FGF13: variants seen among roughly 807,000 people sequenced by gnomAD.
The protein encoded by FGF13 is fibroblast growth factor 13.
A neutral mutation model predicts 19.5 loss-of-function variants in FGF13; 2 were observed. The observed-to-expected ratio is 0.10, with a 90% confidence interval of 0.04 to 0.32. The LOEUF is 0.32. Among genes scored for constraint, FGF13 ranks in the 10% least tolerant of loss-of-function variants. The pLI is 1.00. For missense variants in FGF13, 113 were observed against 192.7 expected (o/e 0.59, Z 2.45); for synonymous variants, 72 against 76.9 (o/e 0.94, Z 0.33).
intron 1 of FGF13, chrX:138,739,200 C>A (rs761387941): frequency 2.5e-6 from 2 of 785,301 alleles, no homozygotes; most frequent in Non-Finnish European, 3.9e-6. Context: ...GATAAACATT[C>A]AAATCTATGT....
intron 3 of FGF13, among the ~76,000 whole-genome samples, chrX:138,810,367 G>C (rs1407724613): frequency 1.8e-5 from 2 of 111,463 alleles, no homozygotes; most frequent in Non-Finnish European, 3.8e-5. Flanking sequence ...TTAATAAATG[G>C]TGCTGGGAAA....
chrX:138,647,219 GAA>G (rs10543925), intron 3 of FGF13, among the ~76,000 whole-genome samples: 4 of 59,114 alleles, frequency 6.8e-5, no homozygotes, highest in East Asian at 6.4e-4. Context: ...CATCTCTGGG[GAA>G]AAAAAAAAAA....
At chrX:138,872,536 C>T (rs1266239863) in intron 1 of FGF13, among the ~76,000 whole-genome samples, 1 of 112,280 alleles carries the variant, frequency 8.9e-6, no homozygotes, top group Non-Finnish European at 1.9e-5. Flanking sequence ...AGCCTAAGCT[C>T]TACTCCTTAT....
At chrX:138,981,348 CACACACACAT>C (rs763927390) in intron 1 of FGF13, among the ~76,000 whole-genome samples, 3 of 65,762 alleles carry the variant, frequency 4.6e-5, no homozygotes, top group East Asian at 4.9e-4. Flanking sequence ...CACACACACA[CACACACACAT>C]GCGAACACAA....
At chrX:139,077,391 A>G (rs2083339726) in intron 1 of FGF13, among the ~76,000 whole-genome samples, 1 of 111,962 alleles carries the variant, frequency 8.9e-6, no homozygotes, top group Admixed American at 9.5e-5. Flanking sequence ...TGAATGTCAC[A>G]GGGAATTTTT....
chrX:139,134,252 C>G (rs967910282), intron 1 of FGF13, among the ~76,000 whole-genome samples: 2 of 111,757 alleles, frequency 1.8e-5, no homozygotes, highest in African/African-American at 6.5e-5. Flanking sequence ...CTCAATACAG[C>G]TCATTTAATC....
chrX:138,875,691 A>G (rs1350214053), intron 1 of FGF13, among the ~76,000 whole-genome samples: 2 of 111,100 alleles, frequency 1.8e-5, no homozygotes, highest in Non-Finnish European at 3.8e-5. Context: ...GAACAAGAGG[A>G]CTGATCCTCT....
At chrX:138,706,654 G>T (rs187201462) in intron 2 of FGF13, among the ~76,000 whole-genome samples, 1 of 111,214 alleles carries the variant, frequency 9.0e-6, no homozygotes, top group Non-Finnish European at 1.9e-5. Context: ...TTGTATTCTC[G>T]TTATGCACAA....
At chrX:138,989,300 C>A (rs1176161268) in intron 1 of FGF13, among the ~76,000 whole-genome samples, 1 of 111,490 alleles carries the variant, frequency 9.0e-6, no homozygotes, top group Non-Finnish European at 1.9e-5. Flanking sequence ...GGCCAGAATA[C>A]CAGGAGGCTA....
intron 3 of FGF13, among the ~76,000 whole-genome samples, chrX:138,819,195 G>C (rs2090982374): frequency 9.0e-6 from 1 of 111,117 alleles, no homozygotes; most frequent in African/African-American, 3.3e-5. Flanking sequence ...TAGCCTTTTT[G>C]AGGCTCAATA....
chrX:138,922,902 A>G (rs188077973), intron 1 of FGF13, among the ~76,000 whole-genome samples: 1 of 111,959 alleles, frequency 8.9e-6, no homozygotes, highest in East Asian at 2.8e-4. Context: ...AACACCATAA[A>G]TCCACATCAA....
At chrX:138,738,997 A>G (rs1450400443) in intron 1 of FGF13, among the ~76,000 whole-genome samples, 1 of 108,932 alleles carries the variant, frequency 9.2e-6, no homozygotes, top group African/African-American at 3.3e-5. Flanking sequence ...TCAGTTTCCT[A>G]TAACAATTAA....
At chrX:138,947,432 A>G (rs1225923368) in intron 1 of FGF13, among the ~76,000 whole-genome samples, 1 of 111,693 alleles carries the variant, frequency 9.0e-6, no homozygotes, top group African/African-American at 3.3e-5. Context: ...AGCCCCTCTG[A>G]ATCTTAATTT....
intron 1 of FGF13, among the ~76,000 whole-genome samples, chrX:138,929,763 G>A (rs1198177007): frequency 9.1e-6 from 1 of 110,313 alleles, no homozygotes; most frequent in Non-Finnish European, 1.9e-5. Flanking sequence ...GGCTGCATGA[G>A]TCCACAGATA....
chrX:139,160,820 C>T (rs1004643594), intron 1 of FGF13, among the ~76,000 whole-genome samples: 3 of 111,850 alleles, frequency 2.7e-5, no homozygotes, highest in African/African-American at 3.3e-5. Flanking sequence ...CCTGAATAGA[C>T]CAATGACAAG....
intron 3 of FGF13, among the ~76,000 whole-genome samples, chrX:138,778,713 A>G (rs1209688227): frequency 8.9e-6 from 1 of 112,149 alleles, no homozygotes. Context: ...CTGAGATCAA[A>G]CAGCAAGGCG....
chrX:139,138,657 C>G (rs774820339), intron 1 of FGF13, among the ~76,000 whole-genome samples: 19 of 111,390 alleles, frequency 1.7e-4, no homozygotes, highest in Admixed American at 9.5e-4. Context: ...GATCATGTAC[C>G]CCAGGCCTCA....
intron 3 of FGF13, among the ~76,000 whole-genome samples, chrX:138,841,641 C>T (rs779620144): frequency 9.0e-6 from 1 of 110,755 alleles, no homozygotes; most frequent in Admixed American, 9.7e-5. Context: ...AGCTAAGAAA[C>T]AGGAACCAGA....
chrX:138,884,554 A>G (rs2091442601), intron 1 of FGF13, among the ~76,000 whole-genome samples: 1 of 112,523 alleles, frequency 8.9e-6, no homozygotes, highest in Non-Finnish European at 1.9e-5. Flanking sequence ...AGATTAGTTC[A>G]GATTTTCCAG....
Sources: allele counts gnomAD v4.1 joint callset (sites outside exome capture counted in the v4.1 genomes callset), GRCh38; gene constraint gnomAD v4.1.1; transcripts MANE v1.5; gene names NCBI Gene and HGNC (gene_info 2026-07-23, HGNC 2026-07-21).